Variants in SDK1 observed in about 807,000 individuals in gnomAD.
The protein encoded by SDK1 is protein sidekick-1.
A neutral mutation model predicts 245.5 loss-of-function variants in SDK1; 157 were observed. The ratio of observed to expected loss-of-function variants is 0.64; its 90% CI spans 0.56 to 0.73. SDK1 has a LOEUF of 0.73. Ranked by LOEUF, SDK1 falls within the 30% of genes least tolerant of loss-of-function variation. The pLI is 0.00. For missense variants in SDK1, 3,583 were observed against 3,002.3 expected (o/e 1.19, Z -4.52); for synonymous variants, 1,647 against 1,278.5 (o/e 1.29, Z -6.15).
At chr7:3,496,102 G>A (rs1583950245) in intron 1 of SDK1, among the ~76,000 whole-genome samples, 2 of 152,266 alleles carry the variant, frequency 1.3e-5, no homozygotes, top group South Asian at 2.1e-4. Context: ...CTGGAGATGC[G>A]TAGTGTGGTC....
intron 4 of SDK1, among the ~76,000 whole-genome samples, chr7:3,774,646 A>T (rs977448995): frequency 6.6e-6 from 1 of 152,216 alleles, no homozygotes; most frequent in African/African-American, 2.4e-5. Flanking sequence ...ATTGTTGTCC[A>T]GGTGAGAATA....
intron 4 of SDK1, among the ~76,000 whole-genome samples, chr7:3,646,939 A>C (rs1232998277): frequency 6.6e-6 from 1 of 152,222 alleles, no homozygotes; most frequent in Non-Finnish European, 1.5e-5. Flanking sequence ...ATTGGTTGCC[A>C]GGGACTTGGG....
intron 40 of SDK1, among the ~76,000 whole-genome samples, chr7:4,229,206 TG>T (rs1257494836): frequency 6.6e-6 from 1 of 151,988 alleles, no homozygotes; most frequent in East Asian, 1.9e-4. Context: ...AGAAATAGAG[TG>T]GACGCCTTAC....
At chr7:3,520,242 C>T (rs150563462) in intron 1 of SDK1, among the ~76,000 whole-genome samples, 1 of 152,226 alleles carries the variant, frequency 6.6e-6, no homozygotes, top group African/African-American at 2.4e-5. Flanking sequence ...CCAACAGGTT[C>T]ATAGTTTCAC....
chr7:3,957,878 T>G (rs959728215), intron 7 of SDK1, among the ~76,000 whole-genome samples: 6 of 152,256 alleles, frequency 3.9e-5, no homozygotes, highest in African/African-American at 1.4e-4. Flanking sequence ...AGCCATCTCC[T>G]CAGCCGGAGT....
chr7:3,750,137 T>G (rs1779734092), intron 4 of SDK1, among the ~76,000 whole-genome samples: 1 of 152,258 alleles, frequency 6.6e-6, no homozygotes, highest in Non-Finnish European at 1.5e-5. Flanking sequence ...TTATTTTGAC[T>G]GGTTCAATTA....
intron 30 of SDK1, among the ~76,000 whole-genome samples, chr7:4,157,031 A>G (rs1780776449): frequency 6.6e-6 from 1 of 152,170 alleles, no homozygotes; most frequent in African/African-American, 2.4e-5. Context: ...GCCAGGGAGG[A>G]GAACAGAGCA....
intron 4 of SDK1, 89 bp from the exon 5 acceptor site, chr7:3,821,361 T>C (rs1779641705): frequency 7.1e-7 from 1 of 1,416,882 alleles, no homozygotes; most frequent in Non-Finnish European, 9.6e-7. Context: ...CTCTAGGCAT[T>C]CCTTTATAGT....
Position 3,871,467 on chromosome 7 carries a change from A to C in SDK1, c.847+49884A>C, listed in dbSNP as rs568687217. 1.9e-4 allele frequency among the ~76,000 whole-genome samples: 29 copies of C among 152,328 alleles called. No individual in the cohort carries two copies. The South Asian group carries it at 6.0e-3, about 32-fold the overall frequency. ...GGATGTGTCTTAGTCCATTTGTGTT[A>C]CTGTAAAGGAATACGTGAGGCTGGG... On this transcript the variant is annotated intron_variant, in intron 5 of 44. Coordinates refer to ENST00000404826, the MANE Select transcript of SDK1 (RefSeq NM_152744.4).
At chr7:3,765,375 C>A (rs1215334930) in intron 4 of SDK1, among the ~76,000 whole-genome samples, 1 of 152,164 alleles carries the variant, frequency 6.6e-6, no homozygotes, top group African/African-American at 2.4e-5. Context: ...ACCACCTTGC[C>A]CCTAAAGGTG....
At chr7:4,047,771 T>C (rs1466355884) in intron 17 of SDK1, among the ~76,000 whole-genome samples, 1 of 152,222 alleles carries the variant, frequency 6.6e-6, no homozygotes, top group Non-Finnish European at 1.5e-5. Context: ...TCCGACCACC[T>C]GGCTGGTATG....
chr7:3,849,887 A>G (rs1202724117), intron 5 of SDK1, among the ~76,000 whole-genome samples: 2 of 152,238 alleles, frequency 1.3e-5, no homozygotes, highest in African/African-American at 4.8e-5. Flanking sequence ...TTTAGTTATG[A>G]AGGCAGTGCT....
chr7:3,748,875 A>G (rs1048348590), intron 4 of SDK1, among the ~76,000 whole-genome samples: 1 of 152,204 alleles, frequency 6.6e-6, no homozygotes, highest in Non-Finnish European at 1.5e-5. Context: ...GTTCAGGTAA[A>G]TATGATTCAT....
chr7:3,434,731 C>G (rs1248354643), intron 1 of SDK1, among the ~76,000 whole-genome samples: 1 of 152,056 alleles, frequency 6.6e-6, no homozygotes, highest in African/African-American at 2.4e-5. Flanking sequence ...TGAGTTGTTG[C>G]CATCATTAAC....
At chr7:3,309,100 T>C (rs1365973995) in intron 1 of SDK1, among the ~76,000 whole-genome samples, 1 of 152,200 alleles carries the variant, frequency 6.6e-6, no homozygotes, top group African/African-American at 2.4e-5. Context: ...AGGGTGCTGA[T>C]TTCCACAGGT....
intron 4 of SDK1, among the ~76,000 whole-genome samples, chr7:3,804,129 C>G (rs988133290): frequency 6.6e-6 from 1 of 152,174 alleles, no homozygotes; most frequent in African/African-American, 2.4e-5. Context: ...GTCCAATTGA[C>G]TGAATTTTTT....
rs34675135 is a variant in SDK1, at chr7:4,220,515, G to GTTTTTT, written c.5701+255_5701+260dup. ...ATATTAAGCATGTCAAGTTTTAGTT[G>GTTTTTT]TTTTTTTTTTTTTTTGAGAAATCTT... On this transcript the variant is annotated intron_variant, in intron 39 of 44. Transcript: ENST00000404826. 5.1e-4 allele frequency among the ~76,000 whole-genome samples: 72 copies of GTTTTTT among 140,566 alleles called. 1 individual carries two copies. The highest frequency in any genetic ancestry group is 3.8e-3 in the Middle Eastern group (1 of 266). 92.2% of individuals were successfully genotyped at this position (140,566 alleles called of 152,430 possible).
At chr7:3,433,548 C>T (rs75143486) in intron 1 of SDK1, among the ~76,000 whole-genome samples, 1 of 152,150 alleles carries the variant, frequency 6.6e-6, no homozygotes, top group East Asian at 1.9e-4. Context: ...CTTCCTCTTC[C>T]TTAGGTTTAT....
At chr7:3,969,879 C>T (rs6955390) in intron 11 of SDK1, among the ~76,000 whole-genome samples, 63,961 of 152,086 alleles carry the variant, frequency 0.42, 15,465 homozygotes, top group African/African-American at 0.68. Flanking sequence ...AGAAAATCTT[C>T]CGCTTTTGCT....
Sources: gnomAD v4.1 joint callset for allele counts (sites outside exome capture counted in the v4.1 genomes callset) on GRCh38, gnomAD v4.1.1 for gene constraint, MANE v1.5 for transcripts, NCBI Gene and HGNC (gene_info 2026-07-23, HGNC 2026-07-21) for gene names.